Variants in CPAP observed in about 807,000 individuals in gnomAD.
CPAP encodes centrosomal P4.1-associated protein.
At chr13:24,929,189 A>G in the CPAP span, among the ~76,000 whole-genome samples, 1 of 152,100 alleles carries the variant, frequency 6.6e-6, no homozygotes, top group East Asian at 1.9e-4. Context: ...TCAGCCTCCC[A>G]GGAAGCTGGG....
At chr13:24,895,623 A>G in the CPAP span, among the ~76,000 whole-genome samples, 2,459 of 152,322 alleles carry the variant, frequency 0.016, 66 homozygotes, top group African/African-American at 0.052. Flanking sequence ...AGAAAGCCAA[A>G]ACCAAACAGT....
chr13:24,894,860 C>T, the CPAP span, among the ~76,000 whole-genome samples: 1 of 151,994 alleles, frequency 6.6e-6, no homozygotes, highest in African/African-American at 2.4e-5. Context: ...GAGAGGGGAG[C>T]CCCTAGGCTG....
the CPAP span, among the ~76,000 whole-genome samples, chr13:24,918,079 T>G: frequency 6.6e-6 from 1 of 152,344 alleles, no homozygotes; most frequent in Middle Eastern, 3.4e-3. Context: ...TGTTTAGTAT[T>G]TTAATTATGG....
At chr13:24,896,803 A>C in the CPAP span, among the ~76,000 whole-genome samples, 1 of 152,234 alleles carries the variant, frequency 6.6e-6, no homozygotes, top group African/African-American at 2.4e-5. Context: ...ATAACACAGC[A>C]AGGTTATCTC....
chr13:24,897,873 T>A, the CPAP span, among the ~76,000 whole-genome samples: 96 of 152,304 alleles, frequency 6.3e-4, 1 homozygote, highest in Non-Finnish European at 1.1e-3. Context: ...CTGTAAATTT[T>A]GTTAGGTGTG....
chr13:24,915,781 A>G, the CPAP span, among the ~76,000 whole-genome samples: 1 of 152,012 alleles, frequency 6.6e-6, no homozygotes, highest in Non-Finnish European at 1.5e-5. Flanking sequence ...CCTGGGCAAC[A>G]AGTGCAAGAC....
At chr13:24,914,870 C>A in the CPAP span, among the ~76,000 whole-genome samples, 1 of 152,006 alleles carries the variant, frequency 6.6e-6, no homozygotes, top group South Asian at 2.1e-4. Flanking sequence ...GTTAGGAGTT[C>A]GAGACCAGCC....
chr13:24,891,720 C>T, the CPAP span, among the ~76,000 whole-genome samples: 1 of 152,152 alleles, frequency 6.6e-6, no homozygotes, highest in South Asian at 2.1e-4. Context: ...ATAAGAGGCC[C>T]GGCCACCCTT....
At chr13:24,882,902 T>TAAAC in the CPAP span, 10 of 432,640 alleles carry the variant, frequency 2.3e-5, no homozygotes, top group African/African-American at 1.8e-4. Context: ...TTCTAACCAA[T>TAAAC]AAACACACCC....
At chr13:24,913,723 C>CTA in the CPAP span, among the ~76,000 whole-genome samples, 7 of 152,218 alleles carry the variant, frequency 4.6e-5, no homozygotes, top group African/African-American at 1.4e-4. Context: ...TTGAAGATAT[C>CTA]TATATATTCA....
At chr13:24,924,054 T>C in the CPAP span, among the ~76,000 whole-genome samples, 2 of 152,224 alleles carry the variant, frequency 1.3e-5, 1 homozygote, top group South Asian at 4.1e-4. Context: ...AGGATGGTCT[T>C]GATCTTCTGA....
chr13:24,904,888 A>T, the CPAP span, among the ~76,000 whole-genome samples: 1 of 152,232 alleles, frequency 6.6e-6, no homozygotes, highest in Non-Finnish European at 1.5e-5. Flanking sequence ...AATACTACAC[A>T]TCCGTTAAAT....
At chr13:24,919,759 C>A in the CPAP span, among the ~76,000 whole-genome samples, 16 of 147,112 alleles carry the variant, frequency 1.1e-4, no homozygotes, top group African/African-American at 3.8e-4. Context: ...GATATGAAAA[C>A]ATTACTTTTT....
At chr13:24,886,248 G>A in the CPAP span, 3 of 1,187,624 alleles carry the variant, frequency 2.5e-6, no homozygotes, top group Non-Finnish European at 2.2e-6. Context: ...GAAGGGTCTC[G>A]AGCAAGTGCC....
chr13:24,905,838 C>T, the CPAP span: 4 of 1,614,036 alleles, frequency 2.5e-6, no homozygotes, highest in African/African-American at 1.3e-5. Context: ...TCATCACAGA[C>T]TTGTGGGCTA....
chr13:24,898,078 T>C, the CPAP span, among the ~76,000 whole-genome samples: 6 of 152,130 alleles, frequency 3.9e-5, no homozygotes, highest in Admixed American at 3.3e-4. Flanking sequence ...GTATTTTTCG[T>C]AGAGATGGAG....
At chr13:24,906,752 T>A in the CPAP span, 2 of 1,614,162 alleles carry the variant, frequency 1.2e-6, no homozygotes, top group Non-Finnish European at 1.7e-6. Flanking sequence ...ACACAGCTCT[T>A]TATTTTTAAG....
the CPAP span, among the ~76,000 whole-genome samples, chr13:24,903,020 T>C: frequency 6.6e-6 from 1 of 152,228 alleles, no homozygotes; most frequent in African/African-American, 2.4e-5. Flanking sequence ...AGTATGTTCC[T>C]GCAACAGAAC....
At chr13:24,886,180 G>A in the CPAP span, 1 of 565,824 alleles carries the variant, frequency 1.8e-6, no homozygotes, top group Non-Finnish European at 3.0e-6. Context: ...AAAATACACT[G>A]AAGTGCCAGT....
Sources: gnomAD v4.1 joint callset for allele counts (sites outside exome capture counted in the v4.1 genomes callset) on GRCh38, gnomAD v4.1.1 for gene constraint, MANE v1.5 for transcripts, NCBI Gene and HGNC (gene_info 2026-07-23, HGNC 2026-07-21) for gene names.